DPP4: variants seen among roughly 807,000 people sequenced by gnomAD.
The protein encoded by DPP4 is dipeptidyl peptidase 4, also known as ADCP-2.
A neutral mutation model predicts 122.4 loss-of-function variants in DPP4; 93 were observed. The ratio of observed to expected loss-of-function variants is 0.76; its 90% CI spans 0.64 to 0.90. DPP4 has a LOEUF of 0.90. Among genes scored for constraint, DPP4 ranks in the 40% least tolerant of loss-of-function variants. The pLI is 0.00. For synonymous variants in DPP4, 321 were observed against 302.9 expected (o/e 1.06, Z -0.62); for missense variants, 914 against 907.3 (o/e 1.01, Z -0.09).
intron 21 of DPP4, among the ~76,000 whole-genome samples, chr2:162,009,027 C>T (rs1359709537): frequency 1.3e-5 from 2 of 152,058 alleles, no homozygotes; most frequent in Non-Finnish European, 2.9e-5. Context: ...TCACTCCTTC[C>T]TTCTTGCTCT....
At chr2:162,059,822 C>T (rs1329421758) in intron 2 of DPP4, among the ~76,000 whole-genome samples, 2 of 152,202 alleles carry the variant, frequency 1.3e-5, no homozygotes, top group Non-Finnish European at 2.9e-5. Flanking sequence ...AATTACTATA[C>T]TACCTGCGTC....
chr2:162,022,209 C>G (rs1683157528), intron 12 of DPP4, among the ~76,000 whole-genome samples: 2 of 152,148 alleles, frequency 1.3e-5, no homozygotes, highest in African/African-American at 2.4e-5. Flanking sequence ...AGAAGCATGA[C>G]AAGTCCCTGA....
chr2:162,039,233 G>C, intron 5 of DPP4, 49 bp from the exon 6 acceptor site: 1 of 1,541,296 alleles, frequency 6.5e-7, no homozygotes, highest in Non-Finnish European at 9.0e-7. Context: ...TTGATAATTT[G>C]GCCACTCACT....
intron 19 of DPP4, among the ~76,000 whole-genome samples, chr2:162,013,482 G>T (rs1682785410): frequency 6.6e-6 from 1 of 151,992 alleles, no homozygotes; most frequent in South Asian, 2.1e-4. Flanking sequence ...GTGGATCAAA[G>T]CTGTGTCTGA....
At chr2:162,037,523 A>T (rs538408991) in intron 8 of DPP4, among the ~76,000 whole-genome samples, 1 of 152,306 alleles carries the variant, frequency 6.6e-6, no homozygotes, top group South Asian at 2.1e-4. Flanking sequence ...AAGAAAAATT[A>T]TTTTTTTAAA....
intron 19 of DPP4, 92 bp downstream of exon 19, chr2:162,014,304 G>T: frequency 1.0e-6 from 1 of 988,170 alleles, no homozygotes; most frequent in Non-Finnish European, 1.6e-6. Context: ...AGAGGGAAAG[G>T]ACGCATTTGG....
In DPP4 at chr2:162,020,303, GTTTT is replaced by G; in HGVS notation, c.1177-11_1177-8del. The G allele has an allele frequency of 1.7e-6, 2 of 1,189,656 alleles. No individual in the cohort carries two copies. The highest frequency in any genetic ancestry group is 1.1e-6 in the Non-Finnish European group (1 of 893,334). The allele number at this position is 1,189,656 out of a possible 1,614,324, so 73.7% of individuals were successfully genotyped here. On this transcript the variant is annotated splice_polypyrimidine_tract_variant and splice_region_variant and intron_variant, in intron 13 of 25. Coordinates refer to ENST00000360534, the MANE Select transcript of DPP4 (RefSeq NM_001935.4). ...TTGTAATAAATGTGCAGTCCTGATG[GTTTT>G]TTTTTTTTTTCAAAAAAAAAAAAAA...
intron 22 of DPP4, among the ~76,000 whole-genome samples, chr2:162,006,181 C>T (rs1701278845): frequency 6.6e-6 from 1 of 152,086 alleles, no homozygotes; most frequent in Admixed American, 6.6e-5. Flanking sequence ...ATGTGAAGTG[C>T]TAAGGGGTAA....
chr2:162,045,888 A>G (rs1244927875), intron 4 of DPP4, among the ~76,000 whole-genome samples: 4 of 152,242 alleles, frequency 2.6e-5, no homozygotes, highest in Non-Finnish European at 5.9e-5. Flanking sequence ...CAGTGGGAAT[A>G]GCGTAAGCAA....
chr2:162,011,213 G>A (rs988982471), intron 20 of DPP4, among the ~76,000 whole-genome samples: 1 of 152,106 alleles, frequency 6.6e-6, no homozygotes, highest in Non-Finnish European at 1.5e-5. Context: ...TCTAGTTATA[G>A]TCCCATAAGT....
intron 2 of DPP4, among the ~76,000 whole-genome samples, chr2:162,065,760 T>C (rs1684924949): frequency 6.6e-6 from 1 of 152,184 alleles, no homozygotes; most frequent in African/African-American, 2.4e-5. Context: ...TGGGGCAGCA[T>C]TTATCATTTG....
chr2:162,055,736 C>A (rs890481501), intron 2 of DPP4, among the ~76,000 whole-genome samples: 13 of 152,098 alleles, frequency 8.5e-5, no homozygotes, highest in African/African-American at 3.1e-4. Context: ...TGCCATCTAG[C>A]TGGAGGCTGT....
chr2:162,045,488 T>A, intron 5 of DPP4, 44 bp downstream of exon 5: 2 of 1,420,566 alleles, frequency 1.4e-6, no homozygotes, highest in Non-Finnish European at 2.0e-6. Context: ...CATAGCATAC[T>A]CTTGGATTAT....
intron 25 of DPP4, among the ~76,000 whole-genome samples, chr2:161,993,721 G>A (rs2106065441): frequency 6.6e-6 from 1 of 152,168 alleles, no homozygotes; most frequent in East Asian, 1.9e-4. Flanking sequence ...TGACTCAAAG[G>A]GCGCTTACAC....
intron 2 of DPP4, among the ~76,000 whole-genome samples, chr2:162,068,537 G>T (rs2080714): frequency 0.25 from 38,675 of 151,990 alleles, 5,534 homozygotes; most frequent in Non-Finnish European, 0.33. Context: ...ATTGTATCAG[G>T]GTTGGTCTGT....
At chr2:162,040,418 A>C (rs1203769249) in intron 5 of DPP4, among the ~76,000 whole-genome samples, 2 of 152,130 alleles carry the variant, frequency 1.3e-5, no homozygotes, top group African/African-American at 4.8e-5. Context: ...GACATGGAGG[A>C]ATCTCAAACA....
At chr2:161,998,993 G>A (rs1022243678) in intron 23 of DPP4, among the ~76,000 whole-genome samples, 1 of 152,124 alleles carries the variant, frequency 6.6e-6, no homozygotes, top group Non-Finnish European at 1.5e-5. Context: ...TTTCAAATGC[G>A]CACTTCCCCT....
chr2:162,028,065 A>AC (rs1453906373), intron 10 of DPP4, among the ~76,000 whole-genome samples: 1 of 151,872 alleles, frequency 6.6e-6, no homozygotes, highest in Non-Finnish European at 1.5e-5. Flanking sequence ...TTTAAAAAAA[A>AC]AAAAAACAAA....
chr2:162,073,549 G>T (rs1576080086), intron 1 of DPP4, 63 bp from the exon 2 acceptor site: 1 of 1,526,592 alleles, frequency 6.6e-7, no homozygotes, highest in East Asian at 2.3e-5. Context: ...TCCGTAGGAG[G>T]GTCGGGGCTG....
Sources: gnomAD v4.1 joint callset for allele counts (sites outside exome capture counted in the v4.1 genomes callset) on GRCh38, gnomAD v4.1.1 for gene constraint, MANE v1.5 for transcripts, NCBI Gene and HGNC (gene_info 2026-07-23, HGNC 2026-07-21) for gene names.